Variants in ERI1 observed in about 807,000 individuals in gnomAD.
ERI1 encodes the protein exoribonuclease 1.
Under a neutral mutation model 39.7 loss-of-function variants are expected in ERI1, and 39 were observed. The ratio of observed to expected loss-of-function variants is 0.98; its 90% CI spans 0.76 to 1.28. The LOEUF is 1.28. Among genes scored for constraint, ERI1 ranks in the 50% most tolerant of loss-of-function variants. The pLI, the probability that ERI1 is intolerant of heterozygous loss-of-function variation, is 0.00. For missense variants in ERI1, 581 were observed against 416.9 expected (o/e 1.39, Z -3.43); for synonymous variants, 204 against 149.6 (o/e 1.36, Z -2.65).
At chr8:9,066,559 A>T (rs1366707720) in intron 3 of ERI1, among the ~76,000 whole-genome samples, 1 of 152,198 alleles carries the variant, frequency 6.6e-6, no homozygotes, top group East Asian at 1.9e-4. Context: ...GAGGGTGACA[A>T]ATGACAGGCA....
At chr8:9,015,740 A>AAAAAAAAAAAAAG (rs1182633803) in intron 3 of ERI1, among the ~76,000 whole-genome samples, 34 of 148,496 alleles carry the variant, frequency 2.3e-4, no homozygotes, top group African/African-American at 8.8e-4. Context: ...AAAAAAAAAA[A>AAAAAAAAAAAAAG]AGAGACCATC....
At chr8:9,076,770 G>A (rs1799223971) in intron 3 of ERI1, among the ~76,000 whole-genome samples, 1 of 152,230 alleles carries the variant, frequency 6.6e-6, no homozygotes, top group African/African-American at 2.4e-5. Context: ...ATGAGGACAG[G>A]AGGGCTGCCA....
chr8:9,097,542 G>A (rs1057094454), intron 3 of ERI1, among the ~76,000 whole-genome samples: 7 of 152,120 alleles, frequency 4.6e-5, no homozygotes, highest in South Asian at 4.2e-4. Context: ...GGTGGCGTGC[G>A]CCTGTAGTCC....
intron 4 of ERI1, among the ~76,000 whole-genome samples, chr8:9,016,640 C>G (rs902953495): frequency 2.6e-5 from 4 of 151,438 alleles, no homozygotes; most frequent in Non-Finnish European, 4.4e-5. Context: ...AAGATTTCGT[C>G]TGTAAAATGC....
At chr8:9,065,694 CAAAA>C (rs577584927) in intron 3 of ERI1, among the ~76,000 whole-genome samples, 5 of 82,244 alleles carry the variant, frequency 6.1e-5, no homozygotes, top group Admixed American at 1.4e-4. Context: ...GACTCCATCT[CAAAA>C]AAAAAAAAAA....
intron 3 of ERI1, among the ~76,000 whole-genome samples, chr8:9,074,523 C>G (rs1180363726): frequency 6.6e-6 from 1 of 152,126 alleles, no homozygotes; most frequent in Non-Finnish European, 1.5e-5. Flanking sequence ...CTCACTGCAG[C>G]CTTGACCTCC....
At chr8:9,051,469 C>T (rs1003107922) in intron 3 of ERI1, among the ~76,000 whole-genome samples, 1 of 152,028 alleles carries the variant, frequency 6.6e-6, no homozygotes, top group Non-Finnish European at 1.5e-5. Context: ...ACAGCCTGGC[C>T]AACATGGTGA....
intron 3 of ERI1, among the ~76,000 whole-genome samples, chr8:9,040,585 C>T (rs1797985298): frequency 6.6e-6 from 1 of 152,144 alleles, no homozygotes; most frequent in Admixed American, 6.5e-5. Context: ...TGTAAAATTA[C>T]CCTTGCTGAG....
At chr8:9,003,994 C>A (rs574758442) in intron 1 of ERI1, 7 of 961,816 alleles carry the variant, frequency 7.3e-6, no homozygotes, top group East Asian at 1.2e-4. Flanking sequence ...TGAGTCACTT[C>A]CATTTGCTGC....
Position 9,030,173 on chromosome 8 carries a change from T to C in ERI1, c.*139T>C. The C allele has an allele frequency of 3.5e-6, 4 of 1,134,554 alleles. No individual in the cohort carries two copies. In the East Asian group the frequency reaches 7.7e-5, roughly 22 times the overall value. 70.3% of individuals were successfully genotyped at this position (1,134,554 alleles called of 1,614,324 possible). A position where few individuals can be genotyped will look rare whatever the true frequency, so the allele number is the denominator to read the frequency against. On this transcript the variant is annotated 3_prime_UTR_variant, in exon 7 of 7. Transcript: ENST00000250263. ...TCTTATTACAGGTGATAGAGATAGATACATGTATGTGAACAGATTTTGTAG... is the reference window on the plus strand; with the variant it reads ...TCTTATTACAGGTGATAGAGATAGACACATGTATGTGAACAGATTTTGTAG...
At chr8:9,074,943 C>G (rs765196739) in intron 3 of ERI1, among the ~76,000 whole-genome samples, 1 of 152,164 alleles carries the variant, frequency 6.6e-6, no homozygotes, top group African/African-American at 2.4e-5. Flanking sequence ...CCCCCACCAG[C>G]GCCACAGTGA....
chr8:9,058,689 T>G (rs928290459), intron 3 of ERI1, among the ~76,000 whole-genome samples: 1 of 152,218 alleles, frequency 6.6e-6, no homozygotes, highest in Non-Finnish European at 1.5e-5. Context: ...CAACCATGTG[T>G]GGATCTTATA....
At chr8:9,017,313 C>T (rs1295966931) in intron 4 of ERI1, among the ~76,000 whole-genome samples, 5 of 152,016 alleles carry the variant, frequency 3.3e-5, no homozygotes, top group Non-Finnish European at 4.4e-5. Context: ...GTTGGGATTA[C>T]GGGCATGAGC....
intron 3 of ERI1, among the ~76,000 whole-genome samples, chr8:9,056,275 G>T (rs760640066): frequency 6.6e-6 from 1 of 152,230 alleles, no homozygotes; most frequent in Non-Finnish European, 1.5e-5. Flanking sequence ...GAGAATGCAG[G>T]AGCACAGCTC....
At chr8:9,067,685 C>G (rs1256327458) in intron 3 of ERI1, among the ~76,000 whole-genome samples, 5 of 150,360 alleles carry the variant, frequency 3.3e-5, no homozygotes, top group South Asian at 2.1e-4. Flanking sequence ...ACAAGACCTT[C>G]CATAACATGG....
At chr8:9,020,575 T>C in intron 6 of ERI1, 111 bp downstream of exon 6, 1 of 654,382 alleles carries the variant, frequency 1.5e-6, no homozygotes, top group Admixed American at 3.3e-5. Flanking sequence ...AAAAGCCATA[T>C]AATTAGTTCT....
At chr8:9,089,794 C>A (rs895450314) in intron 3 of ERI1, among the ~76,000 whole-genome samples, 1 of 152,124 alleles carries the variant, frequency 6.6e-6, no homozygotes, top group African/African-American at 2.4e-5. Context: ...GATTAGGTGG[C>A]AGAGTCCGCT....
chr8:9,070,060 G>A (rs995621413), intron 3 of ERI1, among the ~76,000 whole-genome samples: 3 of 152,048 alleles, frequency 2.0e-5, no homozygotes, highest in African/African-American at 7.2e-5. Context: ...TTAACATGGT[G>A]AAACCCTGCC....
At chr8:9,075,475 ATGC>A (rs1799180170) in intron 3 of ERI1, among the ~76,000 whole-genome samples, 1 of 149,466 alleles carries the variant, frequency 6.7e-6, no homozygotes, top group African/African-American at 2.5e-5. Flanking sequence ...TTAATATCAC[ATGC>A]TGAACATGCC....
Sources: allele counts gnomAD v4.1 joint callset (sites outside exome capture counted in the v4.1 genomes callset), GRCh38; gene constraint gnomAD v4.1.1; transcripts MANE v1.5; gene names NCBI Gene and HGNC (gene_info 2026-07-23, HGNC 2026-07-21).